Variants in DACH2 observed in about 807,000 individuals in gnomAD.
DACH2 encodes dachshund family transcription factor 2, also known as dachshund homolog 2.
DACH2 carries 17 observed loss-of-function variants against 35.8 expected under a neutral mutation model. That is an observed-to-expected ratio of 0.48 (90% CI 0.33 to 0.71). The LOEUF (loss-of-function observed/expected upper bound fraction) is 0.71, where lower values mean the gene tolerates loss of function less well. DACH2 is among the 30% of genes least tolerant of loss of function. The pLI is 0.02. For synonymous variants in DACH2, 195 were observed against 177.3 expected (o/e 1.10, Z -0.79); for missense variants, 469 against 472.7 (o/e 0.99, Z 0.07).
At chrX:86,175,081 G>T (rs1240644258) in intron 1 of DACH2, among the ~76,000 whole-genome samples, 4 of 111,471 alleles carry the variant, frequency 3.6e-5, no homozygotes, top group African/African-American at 1.3e-4. Context: ...GCTTAGGAGA[G>T]GAATGACTGT....
intron 1 of DACH2, among the ~76,000 whole-genome samples, chrX:86,272,825 A>T (rs1180657877): frequency 8.9e-6 from 1 of 112,165 alleles, no homozygotes; most frequent in Non-Finnish European, 1.9e-5. Flanking sequence ...CATTTTAAAT[A>T]CTATCAGATC....
At chrX:86,323,217 G>A (rs763523718) in intron 1 of DACH2, among the ~76,000 whole-genome samples, 4 of 112,353 alleles carry the variant, frequency 3.6e-5, no homozygotes, top group African/African-American at 9.7e-5. Context: ...ATACCTCCTA[G>A]CAGGAGAAGG....
intron 1 of DACH2, among the ~76,000 whole-genome samples, chrX:86,290,899 G>C (rs1371949921): frequency 9.3e-6 from 1 of 107,594 alleles, no homozygotes; most frequent in African/African-American, 3.4e-5. Context: ...TTGACTTGGC[G>C]ATGCGGGCTC....
chrX:86,765,318 G>A (rs2041921478), intron 7 of DACH2, among the ~76,000 whole-genome samples: 1 of 111,195 alleles, frequency 9.0e-6, no homozygotes, highest in African/African-American at 3.3e-5. Context: ...GCCTAGTTTA[G>A]GAAGAGTATT....
intron 7 of DACH2, among the ~76,000 whole-genome samples, chrX:86,791,042 G>A (rs2042182540): frequency 9.0e-6 from 1 of 111,516 alleles, no homozygotes; most frequent in Non-Finnish European, 1.9e-5. Flanking sequence ...TATATTTTCT[G>A]TTTATTAAAT....
At chrX:86,726,789 T>C (rs1348682385) in intron 6 of DACH2, among the ~76,000 whole-genome samples, 3 of 111,891 alleles carry the variant, frequency 2.7e-5, no homozygotes, top group Admixed American at 1.9e-4. Flanking sequence ...TGCAGGAGTG[T>C]GGAGTCCTGG....
At chrX:86,383,300 A>G (rs1440681987) in intron 2 of DACH2, among the ~76,000 whole-genome samples, 1 of 109,283 alleles carries the variant, frequency 9.2e-6, no homozygotes, top group African/African-American at 3.3e-5. Flanking sequence ...GTTGCTCAGT[A>G]TTTATTAAAA....
At chrX:86,165,403 A>G (rs1178361017) in intron 1 of DACH2, among the ~76,000 whole-genome samples, 1 of 111,435 alleles carries the variant, frequency 9.0e-6, no homozygotes, top group Non-Finnish European at 1.9e-5. Flanking sequence ...AGGACCCTCC[A>G]AATTGTTCTC....
At chrX:86,554,411 A>T (rs1215906128) in intron 3 of DACH2, among the ~76,000 whole-genome samples, 1 of 111,929 alleles carries the variant, frequency 8.9e-6, no homozygotes, top group Non-Finnish European at 1.9e-5. Flanking sequence ...TGTCATGCAT[A>T]TACTGAAGCT....
chrX:86,457,941 G>A (rs1293421492), intron 2 of DACH2, among the ~76,000 whole-genome samples: 1 of 111,928 alleles, frequency 8.9e-6, no homozygotes, highest in Non-Finnish European at 1.9e-5. Context: ...GATCTCTAAA[G>A]GAGATAGTCC....
At chrX:86,488,723 C>A (rs2038052424) in intron 2 of DACH2, among the ~76,000 whole-genome samples, 1 of 111,104 alleles carries the variant, frequency 9.0e-6, no homozygotes, top group South Asian at 3.7e-4. Context: ...GCCCCATGTG[C>A]AATTATTATT....
At chrX:86,450,735 T>A (rs1323968815) in intron 2 of DACH2, among the ~76,000 whole-genome samples, 1 of 110,385 alleles carries the variant, frequency 9.1e-6, no homozygotes, top group East Asian at 2.9e-4. Context: ...AGAACCTTTT[T>A]TTTTTTCACT....
intron 3 of DACH2, among the ~76,000 whole-genome samples, chrX:86,611,225 T>C (rs931145346): frequency 9.0e-6 from 1 of 110,849 alleles, no homozygotes; most frequent in African/African-American, 3.3e-5. Flanking sequence ...AGGTAGGGCA[T>C]GGAATGGTTG....
intron 4 of DACH2, among the ~76,000 whole-genome samples, chrX:86,671,076 A>G (rs1040359202): frequency 6.2e-5 from 7 of 112,175 alleles, no homozygotes; most frequent in Non-Finnish European, 1.3e-4. Flanking sequence ...GTAACATAAC[A>G]ATTGAATCAC....
At position 86,434,760 on chromosome X, in the gene DACH2, T is replaced by C. The variant is rs185439605; in HGVS notation, c.527+57898T>C. On this transcript the variant is annotated intron_variant, in intron 2 of 11. Transcript: ENST00000373125. ...TAAAGAAATACCAGAGACTGGGTAATTTTTAGAGAAAATAAGTTTCATTGG... is the reference window on the plus strand; with the variant it reads ...TAAAGAAATACCAGAGACTGGGTAACTTTTAGAGAAAATAAGTTTCATTGG... Among the ~76,000 whole-genome samples, 560 of 111,673 alleles carry C rather than the reference T, an allele frequency of 5.0e-3. 5 individuals carry two copies. Among genetic ancestry groups the C allele is most frequent in the African/African-American group, 0.017 (532 of 30,721 alleles).
intron 7 of DACH2, among the ~76,000 whole-genome samples, chrX:86,747,108 G>A (rs1216822308): frequency 9.0e-6 from 1 of 111,147 alleles, no homozygotes; most frequent in East Asian, 2.8e-4. Context: ...TTTATAATAA[G>A]TTTTAAAATA....
chrX:86,774,011 C>A (rs2042009154), intron 7 of DACH2, among the ~76,000 whole-genome samples: 1 of 111,603 alleles, frequency 9.0e-6, no homozygotes, highest in Admixed American at 9.5e-5. Flanking sequence ...CCAAACTCTT[C>A]TCCACGGTGG....
At chrX:86,676,325 T>A (rs2040824760) in intron 4 of DACH2, among the ~76,000 whole-genome samples, 1 of 112,208 alleles carries the variant, frequency 8.9e-6, no homozygotes, top group Non-Finnish European at 1.9e-5. Context: ...CTAAGCCTAT[T>A]GAAACTGAAG....
At chrX:86,424,062 T>C (rs2036851239) in intron 2 of DACH2, among the ~76,000 whole-genome samples, 1 of 111,236 alleles carries the variant, frequency 9.0e-6, no homozygotes, top group African/African-American at 3.3e-5. Context: ...TTTATGCCAG[T>C]ACCATCTTGT....
Sources: allele counts gnomAD v4.1 joint callset (sites outside exome capture counted in the v4.1 genomes callset), GRCh38; gene constraint gnomAD v4.1.1; transcripts MANE v1.5; gene names NCBI Gene and HGNC (gene_info 2026-07-23, HGNC 2026-07-21).